PALLD: variants seen among roughly 807,000 people sequenced by gnomAD.
PALLD encodes palladin.
A neutral mutation model predicts 123.5 loss-of-function variants in PALLD; 61 were observed. The ratio of observed to expected loss-of-function variants is 0.49; its 90% CI spans 0.40 to 0.61. PALLD has a LOEUF of 0.61. PALLD is among the 20% of genes least tolerant of loss of function. The pLI, the probability that PALLD is intolerant of heterozygous loss-of-function variation, is 0.00. For synonymous variants in PALLD, 465 were observed against 496.4 expected (o/e 0.94, Z 0.84); for missense variants, 1,273 against 1,377.0 (o/e 0.92, Z 1.20).
At position 168,876,660 on chromosome 4, in the gene PALLD, T is replaced by C. The variant is rs528085201; in HGVS notation, c.1965-14262T>C. On this transcript the variant is annotated intron_variant, in intron 10 of 21. Transcript: ENST00000505667. ...GACCTAGATATTTTTTCACTTTTTATTGGCCACTTCAATTCTTTGTATTGC... is the reference window on the plus strand; with the variant it reads ...GACCTAGATATTTTTTCACTTTTTACTGGCCACTTCAATTCTTTGTATTGC... Among the ~76,000 whole-genome samples, 3 of 152,374 alleles carry C rather than the reference T, an allele frequency of 2.0e-5. No homozygotes were observed. The East Asian group carries it at 5.8e-4, about 29-fold the overall frequency.
chr4:168,760,412 A>T (rs560273644), intron 10 of PALLD, among the ~76,000 whole-genome samples: 11 of 152,082 alleles, frequency 7.2e-5, no homozygotes, highest in African/African-American at 2.7e-4. Context: ...ACTTCCAAAT[A>T]CCAAATTGCA....
In PALLD at chr4:168,614,270, C is replaced by T. The variant is rs186295818; in HGVS notation, c.909-53920C>T. Among the ~76,000 whole-genome samples the T allele has an allele frequency of 2.1e-3, 323 of 152,240 alleles. 1 individual carries two copies. The highest frequency in any genetic ancestry group is 7.4e-3 in the African/African-American group (306 of 41,528). On this transcript the variant is annotated intron_variant, in intron 2 of 21. Coordinates refer to ENST00000505667, the MANE Select transcript of PALLD (RefSeq NM_001166108.2). ...AAAAGACACTGTGGACTCTGTCACT[C>T]ATATTTTTAAAATAATAATAGTAAT...
At chr4:168,615,923 G>T (rs1430649852) in intron 2 of PALLD, among the ~76,000 whole-genome samples, 1 of 152,180 alleles carries the variant, frequency 6.6e-6, no homozygotes, top group Non-Finnish European at 1.5e-5. Flanking sequence ...AAAGGAGTTT[G>T]TTGCTAGCTG....
chr4:168,670,682 G>A (rs199954944), intron 3 of PALLD, among the ~76,000 whole-genome samples: 16 of 145,658 alleles, frequency 1.1e-4, no homozygotes, highest in South Asian at 6.5e-4. Flanking sequence ...GCAGTGAGCC[G>A]AGATTGCGCC....
intron 2 of PALLD, among the ~76,000 whole-genome samples, chr4:168,582,994 T>G (rs1224823861): frequency 6.6e-6 from 1 of 152,118 alleles, no homozygotes; most frequent in Admixed American, 6.6e-5. Context: ...ATTATTAGAG[T>G]TGATAATAAA....
intron 8 of PALLD, among the ~76,000 whole-genome samples, chr4:168,696,934 A>G (rs1783183750): frequency 6.6e-6 from 1 of 152,210 alleles, no homozygotes; most frequent in East Asian, 1.9e-4. Context: ...CCCAAACTGA[A>G]AGTTATCAAT....
chr4:168,625,569 A>G (rs1269146493), intron 2 of PALLD, among the ~76,000 whole-genome samples: 1 of 130,202 alleles, frequency 7.7e-6, no homozygotes, highest in Non-Finnish European at 1.7e-5. Context: ...CTACAACTCA[A>G]CAACAAAAAT....
chr4:168,840,585 C>A (rs1041003969), intron 10 of PALLD, among the ~76,000 whole-genome samples: 1 of 152,172 alleles, frequency 6.6e-6, no homozygotes, highest in Non-Finnish European at 1.5e-5. Context: ...CAGACCTTTA[C>A]CCAGATCAAC....
intron 2 of PALLD, among the ~76,000 whole-genome samples, chr4:168,538,938 T>C (rs1765347642): frequency 6.6e-6 from 1 of 152,198 alleles, no homozygotes; most frequent in Non-Finnish European, 1.5e-5. Flanking sequence ...TTCGTGTTCA[T>C]GTGGTTCAGA....
chr4:168,635,563 A>G (rs970883902), intron 2 of PALLD, among the ~76,000 whole-genome samples: 5 of 152,244 alleles, frequency 3.3e-5, no homozygotes, highest in Non-Finnish European at 7.3e-5. Flanking sequence ...GCCATAGTCT[A>G]ATAGTCCATT....
At chr4:168,863,764 A>G (rs779124053) in intron 10 of PALLD, 4 of 152,212 alleles carry the variant, frequency 2.6e-5, no homozygotes, top group African/African-American at 7.2e-5. Context: ...AGATCAACAA[A>G]TGTCCACACC....
intron 10 of PALLD, among the ~76,000 whole-genome samples, chr4:168,866,468 T>G (rs1253893849): frequency 5.9e-5 from 9 of 152,182 alleles, no homozygotes; most frequent in Admixed American, 5.2e-4. Flanking sequence ...GTGATATATG[T>G]CTCTTGATTT....
At chr4:168,500,540 T>G (rs563165671) in intron 1 of PALLD, among the ~76,000 whole-genome samples, 39 of 150,496 alleles carry the variant, frequency 2.6e-4, no homozygotes, top group Non-Finnish European at 4.5e-4. Context: ...AGTTTTTGGG[T>G]TTTTTTTTGT....
intron 10 of PALLD, among the ~76,000 whole-genome samples, chr4:168,805,362 G>A (rs998192832): frequency 2.0e-5 from 3 of 152,048 alleles, no homozygotes; most frequent in Non-Finnish European, 4.4e-5. Flanking sequence ...CTTTAAGGGA[G>A]GGACAGATGT....
intron 2 of PALLD, among the ~76,000 whole-genome samples, chr4:168,543,133 C>G (rs1765803748): frequency 6.6e-6 from 1 of 152,044 alleles, no homozygotes; most frequent in African/African-American, 2.4e-5. Flanking sequence ...TCAGCTAGGA[C>G]CACTTCCTAG....
At chr4:168,754,530 TG>T (rs1380057814) in intron 10 of PALLD, among the ~76,000 whole-genome samples, 1 of 152,214 alleles carries the variant, frequency 6.6e-6, no homozygotes, top group African/African-American at 2.4e-5. Flanking sequence ...TGTTACATTA[TG>T]CTGACTATTA....
intron 10 of PALLD, among the ~76,000 whole-genome samples, chr4:168,837,535 C>A (rs376013210): frequency 6.6e-6 from 1 of 152,122 alleles, no homozygotes; most frequent in African/African-American, 2.4e-5. Context: ...GGATATGATT[C>A]GAATTAATCA....
intron 10 of PALLD, among the ~76,000 whole-genome samples, chr4:168,717,766 A>T (rs1398667619): frequency 6.6e-6 from 1 of 152,216 alleles, no homozygotes; most frequent in Non-Finnish European, 1.5e-5. Context: ...TGTAAACCAA[A>T]TGAGTATGAA....
chr4:168,787,587 G>A (rs1341951474), intron 10 of PALLD, among the ~76,000 whole-genome samples: 1 of 152,214 alleles, frequency 6.6e-6, no homozygotes, highest in Non-Finnish European at 1.5e-5. Flanking sequence ...GTGGCCAGTG[G>A]CTGTCATACT....
Sources: allele counts gnomAD v4.1 joint callset (sites outside exome capture counted in the v4.1 genomes callset), GRCh38; gene constraint gnomAD v4.1.1; transcripts MANE v1.5; gene names NCBI Gene and HGNC (gene_info 2026-07-23, HGNC 2026-07-21).